The following OR1F1 variants were observed in gnomAD, a reference collection of about 807,000 sequenced individuals.
The protein encoded by OR1F1 is olfactory receptor 1F1.
For missense variants in OR1F1, 493 were observed against 376.3 expected (o/e 1.31, Z -2.57); for synonymous variants, 184 against 156.7 (o/e 1.17, Z -1.30).
At chr16:3,192,023 G>GT in the OR1F1 span, among the ~76,000 whole-genome samples, 314 of 152,188 alleles carry the variant, frequency 2.1e-3, no homozygotes, top group Non-Finnish European at 3.6e-3. Flanking sequence ...TCTCGCTTAG[G>GT]ATGCGAGAGG....
upstream of OR1F1, among the ~76,000 whole-genome samples, chr16:3,200,566 C>T (rs1355092801): frequency 6.6e-6 from 1 of 152,244 alleles, no homozygotes; most frequent in African/African-American, 2.4e-5. Context: ...CCACTGCGCT[C>T]TAGCCTGGGC....
At chr16:3,190,540 C>G in the OR1F1 span, among the ~76,000 whole-genome samples, 1 of 152,142 alleles carries the variant, frequency 6.6e-6, no homozygotes, top group African/African-American at 2.4e-5. Flanking sequence ...CACCTGATGT[C>G]AGGAGATTGA....
chr16:3,199,955 G>A (rs1958117977), upstream of OR1F1, among the ~76,000 whole-genome samples: 1 of 151,574 alleles, frequency 6.6e-6, no homozygotes, highest in African/African-American at 2.4e-5. Flanking sequence ...GGCGGAGGTT[G>A]TGGTGAACCG....
At chr16:3,202,704 A>ATAT (rs1555454321), upstream of OR1F1, among the ~76,000 whole-genome samples, 2 of 137,858 alleles carry the variant, frequency 1.5e-5, no homozygotes, top group Non-Finnish European at 3.0e-5. Flanking sequence ...AATAATAATA[A>ATAT]TAACAATTTA....
At chr16:3,196,506 C>G in the OR1F1 span, among the ~76,000 whole-genome samples, 1 of 151,822 alleles carries the variant, frequency 6.6e-6, no homozygotes, top group South Asian at 2.1e-4. Context: ...ACCTCAGCCT[C>G]CTAAGTAGCT....
chr16:3,196,446 C>T, the OR1F1 span, among the ~76,000 whole-genome samples: 9 of 150,878 alleles, frequency 6.0e-5, no homozygotes, highest in South Asian at 2.1e-4. Flanking sequence ...GGCAGTGGTA[C>T]GATTACAGCT....
chr16:3,205,482 A>AT (rs36031331), downstream of OR1F1, among the ~76,000 whole-genome samples: 770 of 143,612 alleles, frequency 5.4e-3, 3 homozygotes, highest in South Asian at 0.013. Flanking sequence ...GCCTAGCTAA[A>AT]TTTTTTTTTT....
At chr16:3,200,693 G>A (rs555591970), upstream of OR1F1, among the ~76,000 whole-genome samples, 2 of 152,344 alleles carry the variant, frequency 1.3e-5, no homozygotes, top group South Asian at 4.1e-4. Flanking sequence ...ATGCTCTACA[G>A]AAGGGAAAGT....
chr16:3,193,748 C>G, the OR1F1 span, among the ~76,000 whole-genome samples: 2 of 152,208 alleles, frequency 1.3e-5, no homozygotes, highest in Non-Finnish European at 2.9e-5. Context: ...CAGGCGAGCG[C>G]AACCACAACC....
chr16:3,188,770 A>G, the OR1F1 span, among the ~76,000 whole-genome samples: 2 of 152,100 alleles, frequency 1.3e-5, no homozygotes, highest in Admixed American at 6.5e-5. Flanking sequence ...TGAAATCTGG[A>G]TACAGGGAAG....
At chr16:3,191,488 C>G in the OR1F1 span, among the ~76,000 whole-genome samples, 5 of 152,170 alleles carry the variant, frequency 3.3e-5, no homozygotes, top group Non-Finnish European at 7.3e-5. Flanking sequence ...AGACATAAAA[C>G]GTTCCCAGGG....
chr16:3,201,993 A>T (rs1395840901), upstream of OR1F1, among the ~76,000 whole-genome samples: 1 of 152,228 alleles, frequency 6.6e-6, no homozygotes, highest in Non-Finnish European at 1.5e-5. Flanking sequence ...CCTCCTCTGC[A>T]GGAGCAGTCA....
chr16:3,192,615 T>C, the OR1F1 span, among the ~76,000 whole-genome samples: 85,270 of 152,028 alleles, frequency 0.56, 25,474 homozygotes, highest in African/African-American at 0.77. Flanking sequence ...TTCCAGGGGT[T>C]GTGTCCACGA....
At position 3,204,646 on chromosome 16, in the gene OR1F1, G is replaced by A. The variant is rs1958180301; in HGVS notation, c.400G>A (p.Ala134Thr). The A allele has an allele frequency of 6.2e-7, 1 of 1,614,020 alleles. No individual in the cohort carries two copies. Among genetic ancestry groups the A allele is most frequent in the Non-Finnish European group, 8.5e-7 (1 of 1,180,034 alleles). Residue 134 changes from alanine (A) to threonine (T), a missense_variant, in exon 1 of 1, where the codon GCA becomes ACA. Ala to Thr is a moderately conservative substitution (Grantham distance 58). Coordinates refer to ENST00000304646, the Ensembl canonical transcript of OR1F1. ...CGTGTGCCACCCCTTACATTACACAGCAAAGATGACCCATCAGCTCTGTGC... is the reference window on the plus strand; with the variant it reads ...CGTGTGCCACCCCTTACATTACACAACAAAGATGACCCATCAGCTCTGTGC...
chr16:3,189,444 C>T, the OR1F1 span, among the ~76,000 whole-genome samples: 1 of 152,226 alleles, frequency 6.6e-6, no homozygotes, highest in Non-Finnish European at 1.5e-5. Context: ...GCCAGGGCTG[C>T]TCCCCATTTT....
chr16:3,199,945 G>A (rs1172700258), upstream of OR1F1, among the ~76,000 whole-genome samples: 1 of 151,822 alleles, frequency 6.6e-6, no homozygotes, highest in Non-Finnish European at 1.5e-5. Flanking sequence ...GAACCCAGGA[G>A]GCGGAGGTTG....
At chr16:3,200,860 C>A (rs1227607084), upstream of OR1F1, among the ~76,000 whole-genome samples, 1 of 152,198 alleles carries the variant, frequency 6.6e-6, no homozygotes, top group Non-Finnish European at 1.5e-5. Flanking sequence ...AGGTGTGACC[C>A]ACCATGCCTG....
chr16:3,191,196 T>C, the OR1F1 span: 1 of 152,232 alleles, frequency 6.6e-6, no homozygotes, highest in African/African-American at 2.4e-5. Flanking sequence ...TTGACTCTTT[T>C]AGGTGCGTGC....
chr16:3,199,195 C>T, the OR1F1 span, among the ~76,000 whole-genome samples: 18 of 146,412 alleles, frequency 1.2e-4, no homozygotes, highest in African/African-American at 4.0e-4. Flanking sequence ...CCCAGCTCCT[C>T]AGGAGGCTGA....
Sources: gnomAD v4.1 joint callset for allele counts (sites outside exome capture counted in the v4.1 genomes callset) on GRCh38, gnomAD v4.1.1 for gene constraint, MANE v1.5 for transcripts, NCBI Gene and HGNC (gene_info 2026-07-23, HGNC 2026-07-21) for gene names.